The following EYS variants were observed in gnomAD, a reference collection of about 807,000 sequenced individuals.
EYS encodes protein eyes shut homolog.
A neutral mutation model predicts 282.1 loss-of-function variants in EYS; 250 were observed. The observed-to-expected ratio is 0.89, with a 90% CI of 0.80 to 0.98. EYS has a LOEUF of 0.98. EYS is among the 50% of genes least tolerant of loss of function. EYS has a pLI of 0.00. For missense variants in EYS, 4,016 were observed against 3,709.0 expected, an observed-to-expected ratio of 1.08 and a Z score of -2.15; for synonymous variants, 1,355 against 1,282.9, an observed-to-expected ratio of 1.06 and a Z score of -1.20.
intron 31 of EYS, among the ~76,000 whole-genome samples, chr6:64,169,129 C>T (rs1413432662): frequency 6.6e-6 from 1 of 152,160 alleles, no homozygotes; most frequent in Non-Finnish European, 1.5e-5. Context: ...TGACCTTGTT[C>T]ATCAGTTTTT....
intron 12 of EYS, among the ~76,000 whole-genome samples, chr6:65,081,947 G>A (rs1209430718): frequency 6.6e-6 from 1 of 152,018 alleles, no homozygotes; most frequent in Non-Finnish European, 1.5e-5. Flanking sequence ...CTGATGCTAA[G>A]CTATCAGCAC....
chr6:65,267,138 G>T (rs1438285009), intron 12 of EYS, among the ~76,000 whole-genome samples: 2 of 151,648 alleles, frequency 1.3e-5, no homozygotes, highest in African/African-American at 4.8e-5. Flanking sequence ...GTGTGATCCT[G>T]AAGAGATTTG....
chr6:64,102,356 A>T (rs1181496346), intron 31 of EYS, among the ~76,000 whole-genome samples: 3 of 152,172 alleles, frequency 2.0e-5, no homozygotes, highest in Non-Finnish European at 4.4e-5. Context: ...AATAGCTATC[A>T]TTTTCAAGAG....
At chr6:65,190,496 T>C (rs1765616342) in intron 12 of EYS, among the ~76,000 whole-genome samples, 1 of 151,494 alleles carries the variant, frequency 6.6e-6, no homozygotes, top group Non-Finnish European at 1.5e-5. Flanking sequence ...CCGTACCTAC[T>C]GTGTCTGACG....
At chr6:65,393,340 A>G (rs1304380759) in intron 7 of EYS, among the ~76,000 whole-genome samples, 2 of 152,120 alleles carry the variant, frequency 1.3e-5, no homozygotes, top group African/African-American at 4.8e-5. Context: ...AATTAGCCTT[A>G]TAAATGTGAC....
intron 12 of EYS, among the ~76,000 whole-genome samples, chr6:65,073,713 CTA>C (rs1243563255): frequency 3.3e-5 from 5 of 151,230 alleles, no homozygotes; most frequent in Non-Finnish European, 5.9e-5. Flanking sequence ...TTTATTGAGA[CTA>C]GACTTTTATT....
intron 1 of EYS, among the ~76,000 whole-genome samples, chr6:65,651,525 T>C (rs1767651054): frequency 6.6e-6 from 1 of 152,078 alleles, no homozygotes; most frequent in Non-Finnish European, 1.5e-5. Context: ...TCTTCATGTA[T>C]ATCTCCTATA....
chr6:64,455,563 T>C (rs938699545), intron 26 of EYS, among the ~76,000 whole-genome samples: 2 of 152,134 alleles, frequency 1.3e-5, no homozygotes, highest in East Asian at 3.9e-4. Flanking sequence ...TTTTAAGCCC[T>C]GCATGCATTA....
At chr6:65,000,751 C>T (rs1771436661) in intron 13 of EYS, among the ~76,000 whole-genome samples, 1 of 152,194 alleles carries the variant, frequency 6.6e-6, no homozygotes, top group South Asian at 2.1e-4. Flanking sequence ...GCACTCCACA[C>T]TGGAAGACAG....
intron 31 of EYS, among the ~76,000 whole-genome samples, chr6:64,227,221 C>T (rs896393562): frequency 6.6e-6 from 1 of 151,882 alleles, no homozygotes; most frequent in African/African-American, 2.4e-5. Context: ...ATTTTTTGGG[C>T]TCACCCAATG....
chr6:64,233,215 C>T (rs149863311), intron 30 of EYS, among the ~76,000 whole-genome samples: 15 of 152,034 alleles, frequency 9.9e-5, no homozygotes, highest in Middle Eastern at 3.4e-3. Flanking sequence ...TCAATTGATC[C>T]GAAAACATCA....
intron 22 of EYS, among the ~76,000 whole-genome samples, chr6:64,802,587 A>C (rs1267941811): frequency 6.6e-6 from 1 of 152,190 alleles, no homozygotes; most frequent in Non-Finnish European, 1.5e-5. Context: ...ATACTTCTTC[A>C]TTCATACTTC....
chr6:64,528,401 T>C (rs576094237), intron 26 of EYS, among the ~76,000 whole-genome samples: 22 of 151,996 alleles, frequency 1.4e-4, no homozygotes, highest in African/African-American at 5.1e-4. Context: ...GTTCTTCTAT[T>C]CTTTTTTCTC....
At chr6:64,451,357 G>A (rs1775332390) in intron 26 of EYS, among the ~76,000 whole-genome samples, 1 of 152,122 alleles carries the variant, frequency 6.6e-6, no homozygotes, top group Non-Finnish European at 1.5e-5. Flanking sequence ...TGAAATTCAG[G>A]CAATAATTAA....
intron 12 of EYS, among the ~76,000 whole-genome samples, chr6:65,198,541 G>T (rs1034779843): frequency 6.6e-6 from 1 of 151,940 alleles, no homozygotes; most frequent in African/African-American, 2.4e-5. Flanking sequence ...CACGAATAAT[G>T]CATTTTCCTA....
At chr6:65,574,180 C>T (rs934573745) in intron 2 of EYS, among the ~76,000 whole-genome samples, 3 of 152,162 alleles carry the variant, frequency 2.0e-5, no homozygotes, top group Admixed American at 6.6e-5. Flanking sequence ...ACCCAGACAT[C>T]GGTGCCACTG....
At chr6:63,868,795 G>A (rs1248164389) in intron 35 of EYS, among the ~76,000 whole-genome samples, 3 of 152,132 alleles carry the variant, frequency 2.0e-5, no homozygotes, top group Admixed American at 6.6e-5. Context: ...CCTCTCCCCT[G>A]CAAGAATCTT....
chr6:65,556,161 G>T (rs1053329844), intron 2 of EYS, among the ~76,000 whole-genome samples: 11 of 151,730 alleles, frequency 7.2e-5, no homozygotes, highest in South Asian at 6.2e-4. Context: ...CACATTATTG[G>T]TACCAACCTA....
At chr6:64,768,939 G>A (rs1201652233) in intron 22 of EYS, among the ~76,000 whole-genome samples, 1 of 152,078 alleles carries the variant, frequency 6.6e-6, no homozygotes, top group Non-Finnish European at 1.5e-5. Context: ...GATGCTGGCA[G>A]GAAAAGTGTT....
Sources: gnomAD v4.1 joint callset for allele counts (sites outside exome capture counted in the v4.1 genomes callset) on GRCh38, gnomAD v4.1.1 for gene constraint, MANE v1.5 for transcripts, NCBI Gene and HGNC (gene_info 2026-07-23, HGNC 2026-07-21) for gene names.